Variants in NKAIN2 observed in about 807,000 individuals in gnomAD.
NKAIN2 encodes sodium/potassium-transporting ATPase subunit beta-1-interacting protein 2.
NKAIN2 carries 14 observed loss-of-function variants against 32.6 expected under a neutral mutation model. The ratio of observed to expected loss-of-function variants is 0.43; its 90% CI spans 0.28 to 0.67. The LOEUF is 0.67. Ranked by LOEUF, NKAIN2 falls within the 30% of genes least tolerant of loss-of-function variation. The probability of loss-of-function intolerance (pLI) is 0.17; values close to 1 mark genes in which losing one functional copy is unlikely to be tolerated. For missense variants in NKAIN2, 198 were observed against 258.3 expected (o/e 0.77, Z 1.60); for synonymous variants, 80 against 87.2 (o/e 0.92, Z 0.46).
intron 1 of NKAIN2, among the ~76,000 whole-genome samples, chr6:124,033,498 A>G (rs1781488509): frequency 6.6e-6 from 1 of 152,132 alleles, no homozygotes; most frequent in Non-Finnish European, 1.5e-5. Context: ...TCTCACAGTT[A>G]TAAATGTACT....
At chr6:123,832,752 A>G (rs1168901056) in intron 1 of NKAIN2, among the ~76,000 whole-genome samples, 2 of 152,250 alleles carry the variant, frequency 1.3e-5, no homozygotes, top group South Asian at 2.1e-4. Context: ...TTGTATGCTT[A>G]TTTGACATCT....
rs566962483 is a variant in NKAIN2, at chr6:124,270,308, A to G, written c.55-12697A>G. Reference sequence around the variant, plus strand: ...TTTTGGATTCATAAAATAAAAATGCAAATGAAACACACAAATATTTATCAA... The same window carrying G: ...TTTTGGATTCATAAAATAAAAATGCGAATGAAACACACAAATATTTATCAA... On this transcript the variant is annotated intron_variant, in intron 1 of 6. Transcript: ENST00000368417. Among the ~76,000 whole-genome samples the G allele has an allele frequency of 3.7e-4, 57 of 152,352 alleles. 2 individuals carry two copies. The South Asian group carries it at 0.011, about 28-fold the overall frequency.
intron 3 of NKAIN2, among the ~76,000 whole-genome samples, chr6:124,514,474 C>T (rs1778830876): frequency 6.6e-6 from 1 of 152,088 alleles, no homozygotes; most frequent in Non-Finnish European, 1.5e-5. Context: ...CATCCTAGAC[C>T]TACTGAATTA....
chr6:124,586,934 G>T lies in NKAIN2; in HGVS notation c.274-71252G>T, dbSNP rs535393739. On this transcript the variant is annotated intron_variant, in intron 3 of 6. Transcript: ENST00000368417. ...TGAGTGAGAGAAGCCACACTAAAAGGAGAATGGTCCCATTTATACAACTCC... is the reference window on the plus strand; with the variant it reads ...TGAGTGAGAGAAGCCACACTAAAAGTAGAATGGTCCCATTTATACAACTCC... Among the ~76,000 whole-genome samples, 3 of 152,178 alleles carry T rather than the reference G, an allele frequency of 2.0e-5. No homozygotes were observed. In the East Asian group the frequency reaches 5.8e-4, roughly 29 times the overall value.
chr6:124,568,501 T>C (rs982997412), intron 3 of NKAIN2, among the ~76,000 whole-genome samples: 1 of 152,006 alleles, frequency 6.6e-6, no homozygotes, highest in African/African-American at 2.4e-5. Context: ...AAAAACTGAG[T>C]CTCATATAAG....
chr6:124,686,108 C>A (rs750082479), intron 4 of NKAIN2, among the ~76,000 whole-genome samples: 61 of 152,084 alleles, frequency 4.0e-4, no homozygotes, highest in Non-Finnish European at 7.5e-4. Context: ...TGTCAACCAG[C>A]AGACTCTTTC....
In NKAIN2 at chr6:124,709,068, A is replaced by T. The variant is rs1266711643; in HGVS notation, c.474+50682A>T. On this transcript the variant is annotated intron_variant, in intron 4 of 6. Transcript: ENST00000368417. ...CATTAAGGGTTGTTGAATTTTGTCA[A>T]AGGCTTTTTCTGCATCTATTGAGAT... Among the ~76,000 whole-genome samples the T allele has an allele frequency of 9.0e-5, 11 of 122,054 alleles. 2 individuals are homozygous for T. In the East Asian group the frequency reaches 1.9e-3, roughly 21 times the overall value. The allele number at this position is 122,054 out of a possible 152,430, so 80.1% of individuals were successfully genotyped here.
intron 1 of NKAIN2, among the ~76,000 whole-genome samples, chr6:123,870,914 A>G (rs567798457): frequency 7.2e-5 from 11 of 152,004 alleles, no homozygotes; most frequent in Non-Finnish European, 1.6e-4. Context: ...TCTTTTTTTA[A>G]TATAATCTCC....
intron 1 of NKAIN2, among the ~76,000 whole-genome samples, chr6:124,049,295 A>G (rs17086539): frequency 0.014 from 2,080 of 152,172 alleles, 49 homozygotes; most frequent in African/African-American, 0.047. Context: ...GACTTTATGC[A>G]TTCTGGACTG....
intron 1 of NKAIN2, among the ~76,000 whole-genome samples, chr6:124,119,828 A>G (rs554085135): frequency 6.6e-6 from 1 of 152,180 alleles, no homozygotes; most frequent in Non-Finnish European, 1.5e-5. Context: ...GGGCTCTGCT[A>G]CCATTCACAG....
chr6:124,597,409 A>T (rs2114973454), intron 3 of NKAIN2, among the ~76,000 whole-genome samples: 1 of 151,726 alleles, frequency 6.6e-6, no homozygotes, highest in East Asian at 1.9e-4. Context: ...AAATAATATT[A>T]TTTATCTGAA....
At chr6:124,463,729 T>A (rs144330520) in intron 3 of NKAIN2, among the ~76,000 whole-genome samples, 333 of 152,274 alleles carry the variant, frequency 2.2e-3, no homozygotes, top group African/African-American at 7.7e-3. Flanking sequence ...TATAAAGATA[T>A]ACACATGCCT....
intron 1 of NKAIN2, among the ~76,000 whole-genome samples, chr6:123,859,256 T>G (rs1775682818): frequency 6.6e-6 from 1 of 152,142 alleles, no homozygotes; most frequent in South Asian, 2.1e-4. Flanking sequence ...CATTTTTCCA[T>G]ATAGATAGAC....
chr6:123,836,643 A>G (rs1774637459), intron 1 of NKAIN2, among the ~76,000 whole-genome samples: 1 of 57,308 alleles, frequency 1.7e-5, no homozygotes, highest in African/African-American at 3.6e-5. Context: ...ATCCTGGACC[A>G]AAAAAAAAAG....
At chr6:124,312,463 G>C (rs1243352115) in intron 2 of NKAIN2, among the ~76,000 whole-genome samples, 1 of 152,168 alleles carries the variant, frequency 6.6e-6, no homozygotes, top group Non-Finnish European at 1.5e-5. Context: ...CTTTGGGTTA[G>C]ATTAACCTGC....
At chr6:124,161,631 G>A (rs982820590) in intron 1 of NKAIN2, among the ~76,000 whole-genome samples, 12 of 152,066 alleles carry the variant, frequency 7.9e-5, no homozygotes, top group African/African-American at 2.9e-4. Flanking sequence ...TGAAAAATGA[G>A]CATGCATAAG....
chr6:124,155,248 T>C (rs571860219), intron 1 of NKAIN2, among the ~76,000 whole-genome samples: 7 of 152,250 alleles, frequency 4.6e-5, no homozygotes, highest in African/African-American at 1.4e-4. Context: ...TGGCCTTCCA[T>C]AGCACTGTAA....
chr6:124,046,934 T>C (rs750961345), intron 1 of NKAIN2, among the ~76,000 whole-genome samples: 12 of 152,008 alleles, frequency 7.9e-5, no homozygotes, highest in African/African-American at 1.2e-4. Context: ...GTCTACAATT[T>C]GACTGAGGAC....
chr6:124,460,637 T>C (rs995883051), intron 3 of NKAIN2, among the ~76,000 whole-genome samples: 7 of 151,788 alleles, frequency 4.6e-5, no homozygotes, highest in African/African-American at 1.4e-4. Context: ...TATGCATTTT[T>C]CTTTTCTATG....
Sources: gnomAD v4.1 joint callset for allele counts (sites outside exome capture counted in the v4.1 genomes callset) on GRCh38, gnomAD v4.1.1 for gene constraint, MANE v1.5 for transcripts, NCBI Gene and HGNC (gene_info 2026-07-23, HGNC 2026-07-21) for gene names.